The following SI variants were observed in gnomAD, a reference collection of about 807,000 sequenced individuals.
SI encodes the protein sucrase-isomaltase.
Under a neutral mutation model 253.3 loss-of-function variants are expected in SI, and 235 were observed. The observed-to-expected ratio is 0.93, with a 90% CI of 0.83 to 1.03. The LOEUF (loss-of-function observed/expected upper bound fraction) is 1.03, where lower values mean the gene tolerates loss of function less well. SI is among the 50% of genes least tolerant of loss of function. The pLI, the probability that SI is intolerant of heterozygous loss-of-function variation, is 0.00. For synonymous variants in SI, 819 were observed against 712.0 expected, an observed-to-expected ratio of 1.15 and a Z score of -2.39; for missense variants, 2,442 against 2,211.1, an observed-to-expected ratio of 1.10 and a Z score of -2.09.
intron 47 of SI, among the ~76,000 whole-genome samples, chr3:164,981,188 A>G (rs1717173175): frequency 6.6e-6 from 1 of 152,082 alleles, no homozygotes; most frequent in African/African-American, 2.4e-5. Flanking sequence ...ATTTTATTTT[A>G]TATTTCCTAT....
chr3:164,990,268 T>G (rs1468163264), intron 44 of SI, among the ~76,000 whole-genome samples: 1 of 152,094 alleles, frequency 6.6e-6, no homozygotes, highest in African/African-American at 2.4e-5. Flanking sequence ...AAATATTTCA[T>G]GTTTTCGTAA....
At chr3:165,029,031 A>C (rs1318504493) in intron 25 of SI, among the ~76,000 whole-genome samples, 1 of 151,596 alleles carries the variant, frequency 6.6e-6, no homozygotes, top group Non-Finnish European at 1.5e-5. Flanking sequence ...TACATCTGAC[A>C]AAGAACGAAT....
chr3:164,983,624 C>A (rs1365264642), intron 45 of SI, among the ~76,000 whole-genome samples: 2 of 152,054 alleles, frequency 1.3e-5, no homozygotes, highest in African/African-American at 4.8e-5. Flanking sequence ...AAGTCTGGCT[C>A]TATTGTCCCA....
Position 165,040,993 on chromosome 3 carries a change from C to T in SI, c.2106G>A (p.Leu702=), listed in dbSNP as rs1320968985. ...CTCCAAACACATGGGCTTTATAAAA[C>T]AGAGTGTAGAGGAAGGGTAATAAGG... The part of the protein sequence containing the change: ...RYTLLPFLYT[L]FYKAHVFGET... Residue 702 remains leucine (L), a synonymous_variant, in exon 18 of 48, where the codon CTG becomes CTA. Transcript: ENST00000264382. The T allele has an allele frequency of 6.2e-7, 1 of 1,612,496 alleles. No homozygotes were observed. The highest frequency in any genetic ancestry group is 2.2e-5 in the East Asian group (1 of 44,700).
the SI span, among the ~76,000 whole-genome samples, chr3:165,085,547 T>C: frequency 6.6e-6 from 1 of 152,152 alleles, no homozygotes; most frequent in Non-Finnish European, 1.5e-5. Flanking sequence ...CCAGCTCTAA[T>C]ATTCACATTT....
intron 40 of SI, among the ~76,000 whole-genome samples, chr3:164,995,981 G>C (rs1475079083): frequency 6.6e-6 from 1 of 151,582 alleles, no homozygotes; most frequent in Non-Finnish European, 1.5e-5. Context: ...TTGCATTATT[G>C]ACAGCAAATT....
intron 37 of SI, among the ~76,000 whole-genome samples, chr3:165,006,352 C>T (rs894895146): frequency 2.0e-4 from 30 of 152,074 alleles, no homozygotes; most frequent in Admixed American, 5.2e-4. Context: ...TCAATTGATC[C>T]GCCCGCCTCA....
At chr3:165,057,686 T>C (rs1044433186) in intron 12 of SI, among the ~76,000 whole-genome samples, 4 of 151,214 alleles carry the variant, frequency 2.6e-5, no homozygotes, top group Admixed American at 6.6e-5. Flanking sequence ...CATGACATAT[T>C]TAAAATGCTG....
intron 25 of SI, among the ~76,000 whole-genome samples, chr3:165,029,478 C>G (rs1036849323): frequency 6.7e-6 from 1 of 149,408 alleles, no homozygotes; most frequent in Non-Finnish European, 1.5e-5. Context: ...GATACTTGCA[C>G]GTGCATGTTT....
rs779803851 is a variant in SI, at chr3:164,987,225, G to A, written c.5110C>T (p.Arg1704Ter). The change falls in exon 45 of 48, where the codon CGA becomes TGA. Residue 1704 changes from arginine to a stop codon, truncating the protein, a stop_gained and splice_region_variant. Coordinates refer to ENST00000264382, the MANE Select transcript of SI (RefSeq NM_001041.4). LOFTEE classifies it high-confidence loss of function. ...QEPAQNTFYS[R>*]QKHMKLIVAA... ...ACAATGAGCTTCATGTGTTTTTGTC[G>A]ACTATAAGAAAGAAATATATAATTT... is the stretch of plus-strand genomic sequence containing the variant. 1.9e-5 allele frequency: 30 copies of A among 1,611,398 alleles called. No homozygotes were observed. The highest frequency in any genetic ancestry group is 5.3e-5 in the African/African-American group (4 of 74,798).
rs555521640 is a variant in SI, at chr3:164,980,803, A to G, written c.5416-1373T>C. ...ACACCCCAAAATATTAAAATATCTTATTTGGCATTGTTTATTTGCTTTATT... is the reference window on the plus strand; with the variant it reads ...ACACCCCAAAATATTAAAATATCTTGTTTGGCATTGTTTATTTGCTTTATT... On this transcript the variant is annotated intron_variant, in intron 47 of 47. Transcript: ENST00000264382. Among the ~76,000 whole-genome samples the G allele has an allele frequency of 4.6e-5, 7 of 152,092 alleles. No individual in the cohort carries two copies. In the East Asian group the frequency reaches 1.4e-3, roughly 29 times the overall value.
chr3:164,997,953 T>G (rs11925035), intron 38 of SI, among the ~76,000 whole-genome samples: 37,409 of 151,626 alleles, frequency 0.25, 7,885 homozygotes, highest in African/African-American at 0.58. Context: ...CATGTCTTTG[T>G]CGAAGAGTGT....
At chr3:164,991,329 G>A in intron 44 of SI, 24 bp downstream of exon 44, 1 of 1,613,404 alleles carries the variant, frequency 6.2e-7, no homozygotes, top group Non-Finnish European at 8.5e-7. Context: ...AATTTAACCT[G>A]AGCTTTGTAA....
chr3:165,022,050 A>C (rs1711650778), intron 26 of SI, among the ~76,000 whole-genome samples: 1 of 151,284 alleles, frequency 6.6e-6, no homozygotes, highest in Admixed American at 6.6e-5. Flanking sequence ...TTTAAACTGC[A>C]TTTTGCTCCT....
upstream of SI, among the ~76,000 whole-genome samples, chr3:165,081,653 A>T (rs1268084999): frequency 6.6e-6 from 1 of 152,022 alleles, no homozygotes; most frequent in Non-Finnish European, 1.5e-5. Context: ...AATAATAAAA[A>T]ATGTTCTGCT....
chr3:165,053,490 G>C (rs979298379), intron 13 of SI, among the ~76,000 whole-genome samples: 2 of 152,126 alleles, frequency 1.3e-5, no homozygotes, highest in Admixed American at 6.6e-5. Flanking sequence ...GCTAAAAGTA[G>C]AATATCCACT....
chr3:165,068,089 C>T (rs1206823381), intron 5 of SI, among the ~76,000 whole-genome samples: 2 of 151,882 alleles, frequency 1.3e-5, no homozygotes, highest in Non-Finnish European at 2.9e-5. Context: ...TTTTTAAAAT[C>T]ATGAATAAAA....
At chr3:164,994,187 T>TA (rs1485141202) in intron 41 of SI, 70 bp downstream of exon 41, 1 of 1,376,488 alleles carries the variant, frequency 7.3e-7, no homozygotes, top group Non-Finnish European at 1.0e-6. Context: ...TATTGCACTA[T>TA]AAGAGATCAT....
At chr3:165,070,063 C>A (rs1018256572) in intron 3 of SI, among the ~76,000 whole-genome samples, 2 of 145,690 alleles carry the variant, frequency 1.4e-5, no homozygotes, top group East Asian at 3.9e-4. Flanking sequence ...CACACACACA[C>A]GTATATAATA....
Sources: allele counts gnomAD v4.1 joint callset (sites outside exome capture counted in the v4.1 genomes callset), GRCh38; gene constraint gnomAD v4.1.1; transcripts MANE v1.5; gene names NCBI Gene and HGNC (gene_info 2026-07-23, HGNC 2026-07-21).